Variants in ADA observed in about 807,000 individuals in gnomAD.
ADA encodes adenosine aminohydrolase.
Under a neutral mutation model 49.0 loss-of-function variants are expected in ADA, and 45 were observed. The ratio of observed to expected loss-of-function variants is 0.92; its 90% CI spans 0.72 to 1.18. The LOEUF (loss-of-function observed/expected upper bound fraction) is 1.18. Among genes scored for constraint, ADA ranks in the 50% most tolerant of loss-of-function variants. The pLI, the probability that ADA is intolerant of heterozygous loss-of-function variation, is 0.00. For synonymous variants in ADA, 173 were observed against 184.2 expected (o/e 0.94, Z 0.49); for missense variants, 445 against 472.5 (o/e 0.94, Z 0.54).
intron 1 of ADA, among the ~76,000 whole-genome samples, chr20:44,651,045 G>A (rs2065640355): frequency 6.6e-6 from 1 of 152,072 alleles, no homozygotes; most frequent in Non-Finnish European, 1.5e-5. Context: ...CGCGGGGGAA[G>A]GGGGGTGCTC....
Position 44,623,097 on chromosome 20 carries a change from G to C in ADA, c.607-19C>G. On this transcript the variant is annotated intron_variant, in intron 6 of 11. Transcript: ENST00000372874. ...CAGCCTCCTGGAAGGGGGAGAGCCA[G>C]GTCATGGGTGCCCTAGCGGGAGGGC... 6.2e-7 allele frequency: 1 copy of C among 1,613,770 alleles called. No homozygotes were observed. Among genetic ancestry groups the C allele is most frequent in the Non-Finnish European group, 8.5e-7 (1 of 1,179,982 alleles).
At chr20:44,637,088 T>C (rs1336855995) in intron 1 of ADA, among the ~76,000 whole-genome samples, 1 of 152,088 alleles carries the variant, frequency 6.6e-6, no homozygotes, top group Non-Finnish European at 1.5e-5. Flanking sequence ...TACAGGTATG[T>C]GCCACCGCAA....
chr20:44,622,921 T>A lies in ADA; in HGVS notation c.688A>T (p.Ile230Leu). 1 of 1,614,226 alleles carries A rather than the reference T, an allele frequency of 6.2e-7. No homozygotes were observed. Among genetic ancestry groups the A allele is most frequent in the Non-Finnish European group, 8.5e-7 (1 of 1,180,032 alleles). Reference sequence around the variant, plus strand: ...TGTCCCAGCCGCTCTGTCTTGAGTATGTCCACAGCCTGTAGAGAAGCAGAA... The same window carrying A: ...TGTCCCAGCCGCTCTGTCTTGAGTAAGTCCACAGCCTGTAGAGAAGCAGAA... The part of the protein sequence containing the change: ...SAEVVKEAVD[I>L]LKTERLGHGY... The change falls in exon 8 of 12, where the codon ATA becomes TTA. Residue 230 changes from isoleucine to leucine, a missense_variant. Coordinates refer to ENST00000372874, the MANE Select transcript of ADA (RefSeq NM_000022.4).
chr20:44,629,005 G>C (rs1333549179), intron 3 of ADA, 42 bp downstream of exon 3: 2 of 1,613,702 alleles, frequency 1.2e-6, no homozygotes, highest in Non-Finnish European at 1.7e-6. Flanking sequence ...TAGTCATAGG[G>C]ATCAATGCTG....
At chr20:44,626,294 T>G in intron 4 of ADA, 162 bp downstream of exon 4, 1 of 964,638 alleles carries the variant, frequency 1.0e-6, no homozygotes, top group Non-Finnish European at 1.6e-6. Context: ...CCACGTCTCT[T>G]GTGACAGAGT....
intron 3 of ADA, among the ~76,000 whole-genome samples, chr20:44,627,612 G>A (rs1424827015): frequency 6.6e-6 from 1 of 152,242 alleles, no homozygotes; most frequent in East Asian, 1.9e-4. Context: ...CTACTAGAAT[G>A]CAGTCTCCAT....
chr20:44,651,495 GC>G, intron 1 of ADA, 79 bp downstream of exon 1: 2 of 1,393,044 alleles, frequency 1.4e-6, no homozygotes, highest in Admixed American at 2.0e-5. Context: ...GGGTTTGGAC[GC>G]CCCGGGCTGG....
At chr20:44,622,292 G>T (rs2065339444) in intron 9 of ADA, among the ~76,000 whole-genome samples, 1 of 152,246 alleles carries the variant, frequency 6.6e-6, no homozygotes, top group Non-Finnish European at 1.5e-5. Flanking sequence ...GCAGAGTTGG[G>T]AGAATTGGAA....
intron 6 of ADA, among the ~76,000 whole-genome samples, chr20:44,623,753 T>C (rs2065355433): frequency 6.9e-6 from 1 of 145,912 alleles, no homozygotes; most frequent in Admixed American, 6.8e-5. Context: ...CTTTCTTCCT[T>C]TTTTTTTTTT....
chr20:44,637,722 G>C (rs1304953953), intron 1 of ADA, among the ~76,000 whole-genome samples: 1 of 152,140 alleles, frequency 6.6e-6, no homozygotes, highest in African/African-American at 2.4e-5. Flanking sequence ...AGGCCAGCAG[G>C]GAACAGAGAC....
In ADA at chr20:44,633,526, A is replaced by G. The variant is rs1402065828; in HGVS notation, c.95+2701T>C. Among the ~76,000 whole-genome samples the G allele has an allele frequency of 3.3e-5, 5 of 152,106 alleles. No individual in the cohort carries two copies. The East Asian group carries it at 5.8e-4, about 18-fold the overall frequency. On this transcript the variant is annotated intron_variant, in intron 2 of 11. Coordinates refer to ENST00000372874, the MANE Select transcript of ADA (RefSeq NM_000022.4). ...GGCTTTGACTCTGAGTGAGATGGGG[A>G]AGCTGGGGAATGAGCTGGGAAGACC...
chr20:44,644,179 C>CT (rs1172242766), intron 1 of ADA, among the ~76,000 whole-genome samples: 8 of 88 alleles, frequency 0.091, no homozygotes, highest in African/African-American at 0.27. Context: ...GCCCTGCTCG[C>CT]CTCCGGCAGT....
chr20:44,628,977 G>A lies in ADA; in HGVS notation c.218+70C>T. On this transcript the variant is annotated intron_variant, in intron 3 of 11. Coordinates refer to ENST00000372874, the MANE Select transcript of ADA (RefSeq NM_000022.4). ...GCAACTTCTCTGGCCCCCACAGGCT[G>A]AGGGACAGGCCTGGTCCTAGTCATA... The A allele has an allele frequency of 7.5e-6, 12 of 1,610,610 alleles. No homozygotes were observed. The South Asian group carries it at 1.2e-4, about 16-fold the overall frequency.
chr20:44,619,792 T>A lies in ADA; in HGVS notation c.*42A>T. 1 of 1,613,828 alleles carries A rather than the reference T, an allele frequency of 6.2e-7. No homozygotes were observed. The highest frequency in any genetic ancestry group is 8.5e-7 in the Non-Finnish European group (1 of 1,179,700). On this transcript the variant is annotated 3_prime_UTR_variant, in exon 12 of 12. Transcript: ENST00000372874. ...AAAATGTTGCTCAGCCCCACAGAGTTGGGGTGACTCCACAGGGTGAAGGCT... is the reference window on the plus strand; with the variant it reads ...AAAATGTTGCTCAGCCCCACAGAGTAGGGGTGACTCCACAGGGTGAAGGCT...
At chr20:44,645,747 C>T (rs1457395178) in intron 1 of ADA, among the ~76,000 whole-genome samples, 3 of 152,174 alleles carry the variant, frequency 2.0e-5, no homozygotes, top group East Asian at 1.9e-4. Flanking sequence ...GTATAATTCT[C>T]ATTTTAGAGA....
rs1028999099 is a variant in ADA, at chr20:44,624,315, C to T, written c.493G>A (p.Val165Met). Reference sequence around the variant, plus strand: ...TGGTACTTCTTACACAGCTCCACCACCTTGGGGGACCAGTCTGTGGGCGAG... The same window carrying T: ...TGGTACTTCTTACACAGCTCCACCATCTTGGGGGACCAGTCTGTGGGCGAG... The part of the protein sequence containing the change: ...MRHQPNWSPK[V>M]VELCKKYQQQ... Residue 165 changes from valine (V) to methionine (M), a missense_variant, in exon 6 of 12, where the codon GTG (valine) becomes ATG (methionine). Physicochemically the swap from Val to Met is conservative, Grantham distance 21. Transcript: ENST00000372874. The T allele has an allele frequency of 2.5e-6, 4 of 1,613,664 alleles. No homozygotes were observed. The highest frequency in any genetic ancestry group is 1.3e-5 in the African/African-American group (1 of 74,922).
intron 4 of ADA, chr20:44,626,226 GAC>G (rs1485243575): frequency 1.6e-6 from 1 of 642,788 alleles, no homozygotes; most frequent in Non-Finnish European, 2.7e-6. Flanking sequence ...GCCAGAGCAA[GAC>G]ACAGCCAAAC....
At chr20:44,651,472 C>G (rs2065645129) in intron 1 of ADA, 103 bp downstream of exon 1, 1 of 1,174,776 alleles carries the variant, frequency 8.5e-7, no homozygotes, top group Admixed American at 2.2e-5. Flanking sequence ...GCAGGAGCCC[C>G]CGTTCGTTCC....
At position 44,630,005 on chromosome 20, in the gene ADA, T is replaced by C. The variant is rs78228495; in HGVS notation, c.96-836A>G. Among the ~76,000 whole-genome samples the C allele has an allele frequency of 2.5e-3, 325 of 128,948 alleles. 1 individual carries two copies. Among genetic ancestry groups the C allele is most frequent in the African/African-American group, 6.8e-3 (225 of 33,256 alleles). The allele number at this position is 128,948 out of a possible 152,430, so 84.6% of individuals were successfully genotyped here. On this transcript the variant is annotated intron_variant, in intron 2 of 11. Transcript: ENST00000372874. ...ACCTCGAGCCTCAGTTTCCCCCCCC[T>C]TTTTTTTTTAAGATACAACAGCCAG...
Sources: allele counts gnomAD v4.1 joint callset (sites outside exome capture counted in the v4.1 genomes callset), GRCh38; gene constraint gnomAD v4.1.1; transcripts MANE v1.5; gene names NCBI Gene and HGNC (gene_info 2026-07-23, HGNC 2026-07-21).